ZNF444: variants seen among roughly 807,000 people sequenced by gnomAD.
ZNF444 encodes zinc finger protein 444.
A neutral mutation model predicts 14.4 loss-of-function variants in ZNF444; 8 were observed. The observed-to-expected ratio is 0.56, with a 90% CI of 0.33 to 1.00. The LOEUF is 1.00. Ranked by LOEUF, ZNF444 falls within the 50% of genes least tolerant of loss-of-function variation. The probability of loss-of-function intolerance (pLI) is 0.03; values close to 1 mark genes in which losing one functional copy is unlikely to be tolerated. For synonymous variants in ZNF444, 258 were observed against 235.9 expected, an observed-to-expected ratio of 1.09 and a Z score of -0.86; for missense variants, 510 against 504.8, an observed-to-expected ratio of 1.01 and a Z score of -0.10.
At chr19:56,136,588 G>A (rs770518335), upstream of ZNF444, among the ~76,000 whole-genome samples, 28 of 152,216 alleles carry the variant, frequency 1.8e-4, no homozygotes, top group Non-Finnish European at 3.2e-4. Context: ...GTAGCCTTCC[G>A]AGTGCTTTGC....
rs1158933399 is a variant in ZNF444, at chr19:56,147,317, C to G, written c.297+109C>G. On this transcript the variant is annotated intron_variant, in intron 3 of 4. Transcript: ENST00000337080. The surrounding 1 kb of genome is among the most constrained non-coding windows in gnomAD (Gnocchi z 5.9). ...TGAACCCCTGAAAACCAGTGTGACT[C>G]GCGGTGGGGAGGCTGCGGTACAGGC... 3 of 1,266,304 alleles carry G rather than the reference C, an allele frequency of 2.4e-6. No individual in the cohort carries two copies. The highest frequency in any genetic ancestry group is 1.6e-5 in the African/African-American group (1 of 63,098). 78.4% of individuals were successfully genotyped at this position (1,266,304 alleles called of 1,614,324 possible).
At position 56,134,708 on chromosome 19, in the gene ZNF444, T is replaced by G. The variant is rs569464747; in HGVS notation, c.-197+1930T>G. Among the ~76,000 whole-genome samples, 6 of 152,220 alleles carry G rather than the reference T, an allele frequency of 3.9e-5. No individual in the cohort carries two copies. The East Asian group carries it at 1.2e-3, about 29-fold the overall frequency. ...AGATTTATGGCCCACTTACCATACA[T>G]TAGGACCTGTCCTAAACGCTGGTGT... On this transcript the variant is annotated intron_variant, in intron 1 of 2. Transcript: ENST00000587467.
Position 56,160,544 on chromosome 19 carries a change from T to G in ZNF444, c.*343T>G, listed in dbSNP as rs1683192664. On this transcript the variant is annotated 3_prime_UTR_variant, in exon 5 of 5. Transcript: ENST00000337080. ...TCTCCCTCCTCCATTCCTCTCTCCC[T>G]GCCCTTTTCCTGCCTGAAGAGCAGA... 12 of 259,450 alleles carry G rather than the reference T, an allele frequency of 4.6e-5. No homozygotes were observed. The highest frequency in any genetic ancestry group is 3.8e-4 in the South Asian group (4 of 10,538). The allele number at this position is 259,450 out of a possible 1,614,324, so 16.1% of individuals were successfully genotyped here.
intron 1 of ZNF444, chr19:56,143,658 A>G (rs2030979670): frequency 6.6e-6 from 1 of 152,232 alleles, no homozygotes; most frequent in African/African-American, 2.4e-5. Flanking sequence ...GGGATTGATC[A>G]GCCTGTAAAG....
intron 4 of ZNF444, 124 bp from the exon 5 acceptor site, chr19:56,159,500 C>T (rs898402748): frequency 1.2e-6 from 1 of 836,890 alleles, no homozygotes; most frequent in Non-Finnish European, 1.7e-6. Flanking sequence ...GCCCACAGCC[C>T]AGCCCTCTTC....
upstream of ZNF444, among the ~76,000 whole-genome samples, chr19:56,138,985 C>T (rs2030675596): frequency 6.6e-6 from 1 of 151,408 alleles, no homozygotes; most frequent in South Asian, 2.1e-4. Flanking sequence ...TTAGTAGAGA[C>T]GGGGTTTCAC....
At chr19:56,140,783 C>T (rs73617503), upstream of ZNF444, among the ~76,000 whole-genome samples, 2,518 of 152,246 alleles carry the variant, frequency 0.017, 67 homozygotes, top group African/African-American at 0.058. Context: ...TCTTCGCTTG[C>T]CAGCTTCTAG....
At chr19:56,146,628 A>T (rs2031198401) in intron 2 of ZNF444, among the ~76,000 whole-genome samples, 1 of 152,110 alleles carries the variant, frequency 6.6e-6, no homozygotes, top group African/African-American at 2.4e-5. Context: ...CATCTCTACT[A>T]AAAATATAAA....
Position 56,160,049 on chromosome 19 carries a change from T to C in ZNF444, c.832T>C (p.Phe278Leu). Reference sequence around the variant, plus strand: ...CAAGACGCACTCGGGAGCGCGGCCCTTTGCCTGCTGGGAGTGTGGCAAGGG... The same window carrying C: ...CAAGACGCACTCGGGAGCGCGGCCCCTTGCCTGCTGGGAGTGTGGCAAGGG... ...HRKTHSGARP[F>L]ACWECGKGFG... The change falls in exon 5 of 5, where the codon TTT becomes CTT. Residue 278 changes from phenylalanine (F) to leucine (L), a missense_variant. Physicochemically the swap from Phe to Leu is conservative, Grantham distance 22. Coordinates refer to ENST00000337080, the MANE Select transcript of ZNF444 (RefSeq NM_018337.4). 2 of 1,505,530 alleles carry C rather than the reference T, an allele frequency of 1.3e-6. No individual in the cohort carries two copies. Among genetic ancestry groups the C allele is most frequent in the African/African-American group, 1.4e-5 (1 of 69,262 alleles). 93.3% of individuals were successfully genotyped at this position (1,505,530 alleles called of 1,614,324 possible).
At chr19:56,153,712 A>C (rs1384851379) in intron 3 of ZNF444, among the ~76,000 whole-genome samples, 1 of 152,144 alleles carries the variant, frequency 6.6e-6, no homozygotes, top group African/African-American at 2.4e-5. Context: ...GTGCAGAGAA[A>C]AGCCAGTGGG....
rs377258186 is a variant in ZNF444, at chr19:56,144,317, G to A, written c.-196-1930G>A. ...GAGAGAGACCCTGTCTTAAAAAAAA[G>A]AAAAAAGAAAAAAAGGGATCCATTG... On this transcript the variant is annotated intron_variant, in intron 1 of 4. Coordinates refer to ENST00000337080, the MANE Select transcript of ZNF444 (RefSeq NM_018337.4). The surrounding 1 kb of genome is among the most constrained non-coding windows in gnomAD (Gnocchi z 4.0). Among the ~76,000 whole-genome samples, 11,617 of 151,192 alleles carry A rather than the reference G, an allele frequency of 0.077. 815 individuals carry two copies. Among genetic ancestry groups the A allele is most frequent in the African/African-American group, 0.19 (7,743 of 41,022 alleles).
Position 56,145,508 on chromosome 19 carries a change from C to T in ZNF444, c.-196-739C>T, listed in dbSNP as rs750574355. Among the ~76,000 whole-genome samples, 3 of 152,044 alleles carry T rather than the reference C, an allele frequency of 2.0e-5. No homozygotes were observed. The highest frequency in any genetic ancestry group is 4.4e-5 in the Non-Finnish European group (3 of 68,012). ...GGATGAGGCAGGAGAATCGCTTGAC[C>T]CTGGGAGGCGGAGGTTGCAGTGAAC... On this transcript the variant is annotated intron_variant, in intron 1 of 4. Transcript: ENST00000337080. This position sits in a 1 kb window ranked among gnomAD's most constrained non-coding sequence, Gnocchi z 4.3.
At position 56,144,338 on chromosome 19, in the gene ZNF444, C is replaced by T. The variant is rs113896924; in HGVS notation, c.-196-1909C>T. On this transcript the variant is annotated intron_variant, in intron 1 of 4. Transcript: ENST00000337080. The surrounding 1 kb of genome is among the most constrained non-coding windows in gnomAD (Gnocchi z 4.0). ...AAAAGAAAAAAGAAAAAAAGGGATCCATTGTGGCTGGAGTATAGAGAATCT... is the reference window on the plus strand; with the variant it reads ...AAAAGAAAAAAGAAAAAAAGGGATCTATTGTGGCTGGAGTATAGAGAATCT... Among the ~76,000 whole-genome samples, 6,653 of 151,756 alleles carry T rather than the reference C, an allele frequency of 0.044. 495 individuals carry two copies. The highest frequency in any genetic ancestry group is 0.15 in the African/African-American group (6,241 of 41,228).
chr19:56,137,567 G>A (rs182108152), upstream of ZNF444, among the ~76,000 whole-genome samples: 2 of 152,324 alleles, frequency 1.3e-5, no homozygotes, highest in African/African-American at 4.8e-5. Flanking sequence ...TGTGAACCCT[G>A]TATATGACAT....
In ZNF444 at chr19:56,159,920, AGC is replaced by A; in HGVS notation, c.704_705del (p.Ser235ThrfsTer12). Reference sequence around the variant, plus strand: ...CGACACGCACCCCGGCAGCCCCGGCAGCCCCGGGCCCGCGCTGCGCCCTCTGC... The same window carrying A: ...CGACACGCACCCCGGCAGCCCCGGCACCCGGGCCCGCGCTGCGCCCTCTGC... ...HRDTHPGSPG[S>X]PGPALRPLPA... On this transcript the variant is annotated frameshift_variant, in exon 5 of 5. Transcript: ENST00000337080. LOFTEE classifies it low-confidence loss of function (END_TRUNC). The A allele has an allele frequency of 6.8e-7, 1 of 1,470,924 alleles. No homozygotes were observed. The allele number at this position is 1,470,924 out of a possible 1,614,324, so 91.1% of individuals were successfully genotyped here.
chr19:56,133,402 C>T (rs1424544189), intron 1 of ZNF444, among the ~76,000 whole-genome samples: 2 of 152,094 alleles, frequency 1.3e-5, no homozygotes, highest in Admixed American at 6.6e-5. Context: ...TCAGTTTCCT[C>T]ATCTGTGAGA....
At chr19:56,139,673 C>A (rs529457327), upstream of ZNF444, among the ~76,000 whole-genome samples, 1 of 146,658 alleles carries the variant, frequency 6.8e-6, no homozygotes, top group African/African-American at 2.5e-5. Flanking sequence ...GCAACACAGC[C>A]AGACCCTGTA....
At chr19:56,136,650 T>C (rs2030618327), upstream of ZNF444, among the ~76,000 whole-genome samples, 1 of 152,174 alleles carries the variant, frequency 6.6e-6, no homozygotes, top group Non-Finnish European at 1.5e-5. Flanking sequence ...GCGACTATTC[T>C]AGAGTGCAGG....
At chr19:56,150,324 C>T in intron 3 of ZNF444, 1 of 241,982 alleles carries the variant, frequency 4.1e-6, no homozygotes, top group Non-Finnish European at 8.2e-6. Flanking sequence ...TTCGGGGATG[C>T]AGTGAGAGTT....
Sources: gnomAD v4.1 joint callset for allele counts (sites outside exome capture counted in the v4.1 genomes callset) on GRCh38, gnomAD v4.1.1 for gene constraint, Gnocchi (gnomAD v3.1) non-coding constraint, MANE v1.5 for transcripts, NCBI Gene and HGNC (gene_info 2026-07-23, HGNC 2026-07-21) for gene names.